The following FNBP1 variants were observed in gnomAD, a reference collection of about 807,000 sequenced individuals.
The protein encoded by FNBP1 is formin binding protein 1.
FNBP1 carries 26 observed loss-of-function variants against 90.6 expected under a neutral mutation model. The ratio of observed to expected loss-of-function variants is 0.29; its 90% CI spans 0.21 to 0.40. The LOEUF is 0.40. FNBP1 is among the 10% of genes least tolerant of loss of function. The pLI, the probability that FNBP1 is intolerant of heterozygous loss-of-function variation, is 1.00. For missense variants in FNBP1, 635 were observed against 768.0 expected, an observed-to-expected ratio of 0.83 and a Z score of 2.05; for synonymous variants, 260 against 265.2, an observed-to-expected ratio of 0.98 and a Z score of 0.19.
chr9:130,034,268 A>C (rs2059100741), intron 1 of FNBP1, among the ~76,000 whole-genome samples: 1 of 150,436 alleles, frequency 6.6e-6, no homozygotes, highest in African/African-American at 2.4e-5. Context: ...AGCTGAGATC[A>C]CACCACTGCA....
rs537266647 is a variant in FNBP1 at position 130,031,418 on chromosome 9, C to A, written c.24+11534G>T. Among the ~76,000 whole-genome samples, 1 of 152,336 alleles carries A rather than the reference C, an allele frequency of 6.6e-6. No individual in the cohort carries two copies. The highest frequency in any genetic ancestry group is 2.1e-4 in the South Asian group (1 of 4,826). On this transcript the variant is annotated intron_variant, in intron 1 of 16. Transcript: ENST00000446176. This position sits in a 1 kb window ranked among gnomAD's most constrained non-coding sequence, Gnocchi z 4.2. ...TCAGGCTCCTATTACAACTCCATCACCTGCTCATCATTTGAGAGCTCTGTG... is the reference window on the plus strand; with the variant it reads ...TCAGGCTCCTATTACAACTCCATCAACTGCTCATCATTTGAGAGCTCTGTG...
At chr9:129,942,141 A>G (rs2132354603) in intron 6 of FNBP1, among the ~76,000 whole-genome samples, 1 of 152,316 alleles carries the variant, frequency 6.6e-6, no homozygotes, top group South Asian at 2.1e-4. Context: ...CTAGAATTCT[A>G]TATCTAGCTA....
At chr9:130,023,291 A>T (rs2058028541) in intron 1 of FNBP1, among the ~76,000 whole-genome samples, 1 of 152,134 alleles carries the variant, frequency 6.6e-6, no homozygotes, top group South Asian at 2.1e-4. Flanking sequence ...GAAATAAATC[A>T]TGCTTTTAAA....
At chr9:129,974,721 A>G (rs1342686306) in intron 4 of FNBP1, among the ~76,000 whole-genome samples, 1 of 152,030 alleles carries the variant, frequency 6.6e-6, no homozygotes, top group East Asian at 1.9e-4. Flanking sequence ...CTGGCTGAGC[A>G]TGGTGGCATA....
chr9:129,961,878 G>A (rs1021258686), intron 4 of FNBP1, among the ~76,000 whole-genome samples: 3 of 152,302 alleles, frequency 2.0e-5, no homozygotes, highest in African/African-American at 7.2e-5. Flanking sequence ...GAGCCACCGT[G>A]CCCGGCCCCT....
At chr9:129,992,702 C>T (rs920167353) in intron 2 of FNBP1, among the ~76,000 whole-genome samples, 2 of 150,744 alleles carry the variant, frequency 1.3e-5, no homozygotes, top group East Asian at 2.0e-4. Context: ...TACAGGCACC[C>T]GCCACCATGC....
chr9:129,937,403 A>C (rs1379920982), intron 6 of FNBP1, among the ~76,000 whole-genome samples: 1 of 152,166 alleles, frequency 6.6e-6, no homozygotes, highest in Non-Finnish European at 1.5e-5. Context: ...AGCCATATTT[A>C]ATAAGATGAA....
intron 4 of FNBP1, among the ~76,000 whole-genome samples, chr9:129,976,293 C>A (rs1428504014): frequency 6.6e-6 from 1 of 152,120 alleles, no homozygotes; most frequent in African/African-American, 2.4e-5. Context: ...TCTCTAGATA[C>A]CAGTAGCAAC....
At chr9:130,021,813 C>T (rs1426987440) in intron 1 of FNBP1, among the ~76,000 whole-genome samples, 1 of 152,194 alleles carries the variant, frequency 6.6e-6, no homozygotes, top group Non-Finnish European at 1.5e-5. Flanking sequence ...GAGTGTCCAT[C>T]CCAAATTAGC....
chr9:129,891,702 C>T (rs1249651095), intron 16 of FNBP1, among the ~76,000 whole-genome samples: 3 of 151,936 alleles, frequency 2.0e-5, no homozygotes, highest in Admixed American at 6.6e-5. Flanking sequence ...CCTGAGTGCA[C>T]GCAAGATCAG....
intron 7 of FNBP1, among the ~76,000 whole-genome samples, chr9:129,927,936 C>G (rs886761269): frequency 2.0e-5 from 3 of 152,080 alleles, no homozygotes; most frequent in African/African-American, 7.2e-5. Flanking sequence ...AGTTTTATTA[C>G]TAACACTATT....
the FNBP1 span, chr9:130,053,509 A>G: frequency 5.4e-6 from 1 of 184,172 alleles, no homozygotes; most frequent in South Asian, 9.9e-5. Context: ...GAATTTTTAG[A>G]TATTTTCCTC....
chr9:129,915,483 C>A lies in FNBP1; in HGVS notation c.1185+483G>T, dbSNP rs1329338027. On this transcript the variant is annotated intron_variant, in intron 11 of 16. Coordinates refer to ENST00000446176, the MANE Select transcript of FNBP1 (RefSeq NM_015033.3). ...GGGTTCAAGCAGTTCTCTGCCTCAG[C>A]CTCCCAAGTAGCTGGGACTACAGGC... Among the ~76,000 whole-genome samples the A allele has an allele frequency of 5.3e-5, 8 of 152,228 alleles. No homozygotes were observed. The East Asian group carries it at 1.5e-3, about 29-fold the overall frequency.
intron 16 of FNBP1, among the ~76,000 whole-genome samples, chr9:129,894,754 C>T (rs541725201): frequency 2.0e-5 from 3 of 152,174 alleles, no homozygotes; most frequent in Non-Finnish European, 4.4e-5. Context: ...ACAGCACTAG[C>T]ACATCTGATC....
chr9:129,912,659 C>T (rs1360005516), intron 11 of FNBP1, among the ~76,000 whole-genome samples: 1 of 135,648 alleles, frequency 7.4e-6, no homozygotes, highest in Non-Finnish European at 1.5e-5. Flanking sequence ...CTGCGCACTC[C>T]AGCCTGGACA....
At chr9:130,014,496 C>T (rs1039880313) in intron 1 of FNBP1, among the ~76,000 whole-genome samples, 1 of 152,102 alleles carries the variant, frequency 6.6e-6, no homozygotes, top group Non-Finnish European at 1.5e-5. Context: ...AAGCGATCCA[C>T]CTGCCTCGGC....
chr9:130,043,191 G>GC, upstream of FNBP1: 1 of 370,908 alleles, frequency 2.7e-6, no homozygotes, highest in Non-Finnish European at 4.8e-6. Context: ...AGCAGCCGCG[G>GC]CCGCCGCAGC....
chr9:129,924,645 A>G (rs1401988353), intron 9 of FNBP1, among the ~76,000 whole-genome samples: 1 of 152,288 alleles, frequency 6.6e-6, no homozygotes, highest in East Asian at 1.9e-4. Flanking sequence ...GTCCCACTAC[A>G]TCCTCTCTCC....
chr9:129,939,432 G>A (rs1303008023), intron 6 of FNBP1, among the ~76,000 whole-genome samples: 1 of 151,974 alleles, frequency 6.6e-6, no homozygotes, highest in Non-Finnish European at 1.5e-5. Flanking sequence ...ATGTTATTCA[G>A]TAATATACTG....
Sources: gnomAD v4.1 joint callset for allele counts (sites outside exome capture counted in the v4.1 genomes callset) on GRCh38, gnomAD v4.1.1 for gene constraint, Gnocchi (gnomAD v3.1) non-coding constraint, MANE v1.5 for transcripts, NCBI Gene and HGNC (gene_info 2026-07-23, HGNC 2026-07-21) for gene names.